KCNT1: variants seen among roughly 807,000 people sequenced by gnomAD.
KCNT1 encodes the protein potassium channel subfamily T member 1.
In KCNT1, 78 loss-of-function variants were observed where a neutral mutation model predicts 147.8. The observed-to-expected ratio is 0.53, with a 90% CI of 0.44 to 0.64. The LOEUF is 0.64. Ranked by LOEUF, KCNT1 falls within the 30% of genes least tolerant of loss-of-function variation. The probability of loss-of-function intolerance (pLI) is 0.00; values close to 1 mark genes in which losing one functional copy is unlikely to be tolerated. For missense variants in KCNT1, 1,419 were observed against 1,750.3 expected (o/e 0.81, Z 3.38); for synonymous variants, 867 against 748.8 (o/e 1.16, Z -2.58).
chr9:135,742,725 G>C (rs1012076160), intron 2 of KCNT1: 2 of 717,108 alleles, frequency 2.8e-6, no homozygotes, highest in African/African-American at 3.5e-5. Flanking sequence ...TTCTCCATCT[G>C]TCCATCTGTC....
At chr9:135,779,046 C>T (rs1267487330) in intron 23 of KCNT1, among the ~76,000 whole-genome samples, 8 of 144,124 alleles carry the variant, frequency 5.6e-5, no homozygotes, top group Non-Finnish European at 1.2e-4. Flanking sequence ...CCCCCACAAC[C>T]ACAGCCATGG....
At chr9:135,762,821 T>C (rs555602566) in intron 11 of KCNT1, among the ~76,000 whole-genome samples, 1 of 152,362 alleles carries the variant, frequency 6.6e-6, no homozygotes, top group African/African-American at 2.4e-5. Flanking sequence ...ACACCTGCAC[T>C]GCTCTTCAGG....
intron 29 of KCNT1, chr9:135,789,817 C>T (rs10113866): frequency 0.013 from 1,986 of 152,472 alleles, 36 homozygotes; most frequent in Middle Eastern, 0.05. Context: ...CCAGAAGAGC[C>T]AAAGCCAGCC....
intron 2 of KCNT1, among the ~76,000 whole-genome samples, chr9:135,717,822 G>C (rs1835779958): frequency 6.6e-6 from 1 of 152,250 alleles, no homozygotes; most frequent in South Asian, 2.1e-4. Context: ...AGGGAGCCTG[G>C]CCTGAAGGGT....
At chr9:135,768,344 T>TGGG (rs1304726006) in intron 13 of KCNT1, 3 of 25,744 alleles carry the variant, frequency 1.2e-4, no homozygotes, top group East Asian at 8.2e-4. Flanking sequence ...TGATGTGGGT[T>TGGG]GGGGGGGGGG....
Position 135,784,603 on chromosome 9 carries a change from G to C in KCNT1, c.3012G>C (p.Ser1004=), listed in dbSNP as rs751965012. ...TGGGCCTGGACACCACGCCGGGCTC[G>C]GGGTACCTCTGTGCCGTAAGTGCCC... is the stretch of plus-strand genomic sequence containing the variant. ...LLLGLDTTPG[S]GYLCAMKITE... is the part of the protein sequence containing the mutation. The change falls in exon 26 of 31, where the codon TCG becomes TCC. Residue 1004 remains serine, a synonymous_variant. Coordinates refer to ENST00000371757, the MANE Select transcript of KCNT1 (RefSeq NM_020822.3). 1 of 1,608,814 alleles carries C rather than the reference G, an allele frequency of 6.2e-7. No homozygotes were observed.
intron 11 of KCNT1, among the ~76,000 whole-genome samples, chr9:135,761,633 C>T (rs1374815286): frequency 6.6e-6 from 1 of 152,246 alleles, no homozygotes; most frequent in Non-Finnish European, 1.5e-5. Flanking sequence ...CCCCAGCCTC[C>T]GTCCCTGGTC....
rs149085499 is a variant in KCNT1, at chr9:135,765,171, G to A, written c.1176G>A (p.Glu392=). Residue 392 remains glutamate (E), a synonymous_variant, in exon 12 of 31, where the codon GAG becomes GAA. Transcript: ENST00000371757. ...ACCTTCTCATGGACTTCCTGAACGA[G>A]TTCTACGCCCACCCCCGGCTCCAGG... ...KIDLLMDFLN[E]FYAHPRLQDY... is the part of the protein sequence containing the mutation. 4 of 1,612,474 alleles carry A rather than the reference G, an allele frequency of 2.5e-6. No homozygotes were observed. Among genetic ancestry groups the A allele is most frequent in the African/African-American group, 2.7e-5 (2 of 74,868 alleles).
chr9:135,749,857 T>C (rs1044987563), intron 2 of KCNT1, among the ~76,000 whole-genome samples: 3 of 151,898 alleles, frequency 2.0e-5, no homozygotes, highest in Non-Finnish European at 2.9e-5. Flanking sequence ...CAGCAGCGAG[T>C]GCCCAGGGCT....
At chr9:135,786,006 C>T (rs1451320344) in intron 28 of KCNT1, 191 bp from the exon 29 acceptor site, 10 of 599,642 alleles carry the variant, frequency 1.7e-5, no homozygotes, top group Non-Finnish European at 8.8e-6. Flanking sequence ...AAACCAGGCA[C>T]ATTCTTTCCA....
rs890909525 is a variant in KCNT1 at position 135,752,543 on chromosome 9, C to T, written c.435-1394C>T. The T allele has an allele frequency of 2.1e-5, 9 of 424,064 alleles. No individual in the cohort carries two copies. The highest frequency in any genetic ancestry group is 4.1e-5 in the African/African-American group (2 of 48,726). The allele number at this position is 424,064 out of a possible 1,614,324, so 26.3% of individuals were successfully genotyped here. The stretch of plus-strand genomic sequence containing the variant: ...GCCCAAGTCTGTTGTGTTCACTGCC[C>T]GTCCCCTAGCACAGCGTCCAGGACA... On this transcript the variant is annotated intron_variant, in intron 4 of 30. Transcript: ENST00000371757. This position sits in a 1 kb window ranked among gnomAD's most constrained non-coding sequence, Gnocchi z 5.1.
chr9:135,709,364 A>G (rs1197421419), intron 1 of KCNT1, among the ~76,000 whole-genome samples: 1 of 152,118 alleles, frequency 6.6e-6, no homozygotes, highest in Non-Finnish European at 1.5e-5. Context: ...GGCTGTTTTC[A>G]GTGTTCACCT....
chr9:135,755,356 GGGACCCAGGCTCAGCAAATGCTGA>G (rs1213925883), intron 6 of KCNT1, among the ~76,000 whole-genome samples, 187 bp downstream of exon 6: 4 of 150,568 alleles, frequency 2.7e-5, no homozygotes, highest in Non-Finnish European at 5.9e-5. Flanking sequence ...CAGTAAGCAG[GGGACCCAGGCTCAGCAAATGCTGA>G]GGACAAACCC....
At chr9:135,773,924 G>A (rs983754495) in intron 19 of KCNT1, among the ~76,000 whole-genome samples, 2 of 152,214 alleles carry the variant, frequency 1.3e-5, no homozygotes, top group South Asian at 2.1e-4. Flanking sequence ...CATGGCGGGC[G>A]GGCAGAGCCC....
intron 28 of KCNT1, 106 bp downstream of exon 28, chr9:135,785,436 C>T: frequency 2.1e-6 from 3 of 1,427,608 alleles, no homozygotes; most frequent in Non-Finnish European, 2.9e-6. Flanking sequence ...CCCACAGGGC[C>T]CTGGGAAAGC....
intron 28 of KCNT1, 147 bp from the exon 29 acceptor site, chr9:135,786,049 CG>C (rs1193022385): frequency 1.5e-6 from 1 of 664,484 alleles, no homozygotes; most frequent in African/African-American, 1.8e-5. Context: ...TGGGGTCTGT[CG>C]TCGTCCTCTT....
At chr9:135,776,044 C>T (rs1313422177) in intron 20 of KCNT1, among the ~76,000 whole-genome samples, 2 of 152,018 alleles carry the variant, frequency 1.3e-5, no homozygotes, top group Non-Finnish European at 2.9e-5. Context: ...GGGGCCAGCC[C>T]TCCCTGGAAA....
At chr9:135,750,819 C>A in intron 3 of KCNT1, 123 bp from the exon 4 acceptor site, 1 of 819,562 alleles carries the variant, frequency 1.2e-6, no homozygotes, top group Admixed American at 1.8e-5. Flanking sequence ...CTGCGTGCAG[C>A]CCGGGTGTGG....
At chr9:135,702,393 C>G in intron 1 of KCNT1, 25 bp downstream of exon 1, 10 of 1,556,284 alleles carry the variant, frequency 6.4e-6, no homozygotes, top group Non-Finnish European at 7.0e-6. Flanking sequence ...GCCCTCCCCA[C>G]GCGGGGAGGC....
Sources: allele counts gnomAD v4.1 joint callset (sites outside exome capture counted in the v4.1 genomes callset), GRCh38; gene constraint gnomAD v4.1.1; non-coding constraint Gnocchi (gnomAD v3.1); transcripts MANE v1.5; gene names NCBI Gene and HGNC (gene_info 2026-07-23, HGNC 2026-07-21).